ARFGAP2: variants seen among roughly 807,000 people sequenced by gnomAD.
ARFGAP2 encodes ADP-ribosylation factor GTPase-activating protein 2.
A neutral mutation model predicts 71.9 loss-of-function variants in ARFGAP2; 45 were observed. The observed-to-expected ratio is 0.63, with a 90% CI of 0.49 to 0.80. The LOEUF (loss-of-function observed/expected upper bound fraction) is 0.80. Among genes scored for constraint, ARFGAP2 ranks in the 30% least tolerant of loss-of-function variants. The pLI, the probability that ARFGAP2 is intolerant of heterozygous loss-of-function variation, is 0.00. For missense variants in ARFGAP2, 633 were observed against 673.9 expected (o/e 0.94, Z 0.67); for synonymous variants, 248 against 249.2 (o/e 1.00, Z 0.05).
At position 47,165,490 on chromosome 11, in the gene ARFGAP2, A is replaced by T. The variant is rs141796294; in HGVS notation, c.1558T>A (p.Ser520Thr). 68 of 1,575,656 alleles carry T rather than the reference A, an allele frequency of 4.3e-5. No homozygotes were observed. In the African/African-American group the frequency reaches 8.1e-4, roughly 19 times the overall value. The change falls in exon 16 of 16, where the codon TCC becomes ACC. Residue 520 changes from serine (S) to threonine (T), a missense_variant. Transcript: ENST00000524782. ...GAGTCACAGAGCTCGGATCAGTAGG[A>T]ACCGTAGCGATCCTGGGGGCGAGGG... is the stretch of plus-strand genomic sequence containing the variant. Reference protein sequence around the residue: ...VMNSLQDRYGSY With the variant: ...VMNSLQDRYGTY
chr11:47,167,779 T>A, intron 12 of ARFGAP2, 130 bp downstream of exon 12: 1 of 1,210,696 alleles, frequency 8.3e-7, no homozygotes. Flanking sequence ...GTGGCTACCA[T>A]ATTAAACAAC....
chr11:47,167,261 C>T (rs976616779), intron 12 of ARFGAP2, among the ~76,000 whole-genome samples: 6 of 152,208 alleles, frequency 3.9e-5, no homozygotes, highest in African/African-American at 1.4e-4. Context: ...GGCTTTATAC[C>T]TACTCTTGTC....
intron 10 of ARFGAP2, 77 bp from the exon 11 acceptor site, chr11:47,168,328 A>G: frequency 6.3e-7 from 1 of 1,592,020 alleles, no homozygotes; most frequent in Non-Finnish European, 8.6e-7. Flanking sequence ...AATGCCCAGC[A>G]ACTGGGTTCT....
intron 10 of ARFGAP2, among the ~76,000 whole-genome samples, chr11:47,170,319 A>G (rs1411049061): frequency 1.4e-4 from 14 of 100,334 alleles, no homozygotes; most frequent in East Asian, 1.0e-3. Context: ...GCAAGACTCC[A>G]TCTCAAAAAA....
In ARFGAP2 at chr11:47,176,766, C is replaced by A. The variant is rs774454490; in HGVS notation, c.72+16G>T. 6.2e-7 allele frequency: 1 copy of A among 1,613,958 alleles called. No homozygotes were observed. Among genetic ancestry groups the A allele is most frequent in the Non-Finnish European group, 8.5e-7 (1 of 1,179,902 alleles). On this transcript the variant is annotated intron_variant, in intron 1 of 15. Transcript: ENST00000524782. ...CCAGCGGGACGAGAGACTCCGCGCGCCCCCTGCTCACGCACCTTGTTGGTT... is the reference window on the plus strand; with the variant it reads ...CCAGCGGGACGAGAGACTCCGCGCGACCCCTGCTCACGCACCTTGTTGGTT...
At chr11:47,173,922 G>A (rs1490561473) in intron 5 of ARFGAP2, 82 bp from the exon 6 acceptor site, 1 of 1,543,602 alleles carries the variant, frequency 6.5e-7, no homozygotes, top group Non-Finnish European at 8.7e-7. Flanking sequence ...GCACCTTGTG[G>A]ACAAGAAATC....
chr11:47,175,699 C>T, intron 3 of ARFGAP2, 152 bp downstream of exon 3: 1 of 836,272 alleles, frequency 1.2e-6, no homozygotes, highest in South Asian at 1.6e-5. Flanking sequence ...GAAGCTGTGA[C>T]CAGTTTCGAA....
intron 10 of ARFGAP2, 99 bp from the exon 11 acceptor site, chr11:47,168,350 C>A (rs1041864460): frequency 1.2e-5 from 18 of 1,522,690 alleles, no homozygotes; most frequent in Admixed American, 1.8e-5. Context: ...CTTCACGGAG[C>A]GTCACCCAGA....
chr11:47,168,360 A>G (rs191379480), intron 10 of ARFGAP2, 109 bp from the exon 11 acceptor site: 1 of 1,478,836 alleles, frequency 6.8e-7, no homozygotes, highest in Admixed American at 1.9e-5. Flanking sequence ...CGTCACCCAG[A>G]GCCTTCTGTC....
chr11:47,168,035 T>C lies in ARFGAP2; in HGVS notation c.1079A>G (p.Asp360Gly). ...TFASGPPKYK[D>G]NPFSLGESFG... ...GCTTTCCCCTAAGGAAAAGGGATTG[T>C]CCTTGTACCTAGGGAGACAGTAGAG... is the stretch of plus-strand genomic sequence containing the variant. Residue 360 changes from aspartate to glycine, a missense_variant, in exon 12 of 16, where the codon GAC (aspartate) becomes GGC (glycine). By Grantham distance (94) the Asp-to-Gly change is moderately conservative. Transcript: ENST00000524782. The C allele has an allele frequency of 6.2e-7, 1 of 1,614,220 alleles. No individual in the cohort carries two copies. Among genetic ancestry groups the C allele is most frequent in the Non-Finnish European group, 8.5e-7 (1 of 1,180,048 alleles).
rs1952590157 is a variant in ARFGAP2 at position 47,171,324 on chromosome 11, T to C, written c.941+102A>G. ...ATAAGCCAAGTGATCTATTCAGACTTGGAGAAACAATAAGCCTAGCATCCC... is the reference window on the plus strand; with the variant it reads ...ATAAGCCAAGTGATCTATTCAGACTCGGAGAAACAATAAGCCTAGCATCCC... On this transcript the variant is annotated intron_variant, in intron 10 of 15. Transcript: ENST00000524782. The C allele has an allele frequency of 6.5e-6, 10 of 1,539,756 alleles. No homozygotes were observed. The South Asian group carries it at 1.3e-4, about 19-fold the overall frequency.
Position 47,173,759 on chromosome 11 carries a change from G to C in ARFGAP2, c.562C>G (p.Gln188Glu). The change falls in exon 6 of 16, where the codon CAG becomes GAG. Residue 188 changes from glutamine (Q) to glutamate (E), a missense_variant and splice_region_variant. By Grantham distance (29) the Gln-to-Glu change is conservative. Transcript: ENST00000524782. Reference protein sequence around the residue: ...APSTESSGLAQPEHGPNTDLL... With the variant: ...APSTESSGLAEPEHGPNTDLL... ...TGGTTGGAATCTGGGCTGAACTCAC[G>C]TGCCAGGCCACTGCTCTCTGTAGAC... 6.3e-7 allele frequency: 1 copy of C among 1,598,648 alleles called. No homozygotes were observed. The highest frequency in any genetic ancestry group is 1.1e-5 in the South Asian group (1 of 88,378).
intron 2 of ARFGAP2, 32 bp downstream of exon 2, chr11:47,176,484 G>T (rs776397177): frequency 6.2e-7 from 1 of 1,602,108 alleles, no homozygotes; most frequent in East Asian, 2.2e-5. Flanking sequence ...GGCCGGCCGG[G>T]TGGAAACACG....
At chr11:47,173,541 G>GA in intron 6 of ARFGAP2, 59 bp from the exon 7 acceptor site, 1 of 1,508,264 alleles carries the variant, frequency 6.6e-7, no homozygotes, top group Non-Finnish European at 8.9e-7. Flanking sequence ...ACCTCCCCTT[G>GA]AAAGAAGTGA....
At position 47,176,790 on chromosome 11, in the gene ARFGAP2, T is replaced by C. The variant is rs1286724387; in HGVS notation, c.64A>G (p.Thr22Ala). ...TLFKRLRAVP[T>A]NKACFDCGAK... The stretch of plus-strand genomic sequence containing the variant: ...GCCCCCTGCTCACGCACCTTGTTGG[T>C]TGGAACTGCGCGAAGCCTCTTAAAA... The change falls in exon 1 of 16, where the codon ACC becomes GCC. Residue 22 changes from threonine to alanine, a missense_variant. Physicochemically the swap from Thr to Ala is moderately conservative, Grantham distance 58. Transcript: ENST00000524782. The C allele has an allele frequency of 3.1e-6, 5 of 1,614,154 alleles. No individual in the cohort carries two copies. The highest frequency in any genetic ancestry group is 4.2e-6 in the Non-Finnish European group (5 of 1,180,030).
intron 15 of ARFGAP2, 90 bp from the exon 16 acceptor site, chr11:47,165,592 C>T (rs1474175253): frequency 7.3e-7 from 1 of 1,375,354 alleles, no homozygotes; most frequent in South Asian, 1.5e-5. Context: ...GCCCCAGCAC[C>T]CCACAGCAAG....
At chr11:47,167,776 C>A (rs1264830372) in intron 12 of ARFGAP2, 133 bp downstream of exon 12, 37 of 1,167,022 alleles carry the variant, frequency 3.2e-5, no homozygotes. Context: ...GTAGTGGCTA[C>A]CATATTAAAC....
intron 2 of ARFGAP2, 109 bp from the exon 3 acceptor site, chr11:47,176,032 T>C: frequency 9.4e-7 from 1 of 1,065,058 alleles, no homozygotes; most frequent in South Asian, 1.4e-5. Context: ...CCAGGAAACA[T>C]TAATCAGCCA....
At chr11:47,174,970 G>A (rs1402461718) in intron 5 of ARFGAP2, 45 bp downstream of exon 5, 1 of 1,597,108 alleles carries the variant, frequency 6.3e-7, no homozygotes, top group South Asian at 1.1e-5. Context: ...TTGGTAAATT[G>A]CCTGTCAAGA....
Sources: allele counts gnomAD v4.1 joint callset (sites outside exome capture counted in the v4.1 genomes callset), GRCh38; gene constraint gnomAD v4.1.1; transcripts MANE v1.5; gene names NCBI Gene and HGNC (gene_info 2026-07-23, HGNC 2026-07-21).